Variants in PODXL observed in about 807,000 individuals in gnomAD.
PODXL encodes the protein podocalyxin like, also known as podocalyxin.
A neutral mutation model predicts 48.9 loss-of-function variants in PODXL; 20 were observed. That is an observed-to-expected ratio of 0.41 (90% CI 0.29 to 0.59). The LOEUF is 0.59. Among genes scored for constraint, PODXL ranks in the 20% least tolerant of loss-of-function variants. PODXL has a pLI of 0.31. For missense variants in PODXL, 606 were observed against 675.1 expected, an observed-to-expected ratio of 0.90 and a Z score of 1.13; for synonymous variants, 295 against 287.4, an observed-to-expected ratio of 1.03 and a Z score of -0.27.
chr7:131,509,538 G>A lies in PODXL; in HGVS notation c.850C>T (p.Pro284Ser), dbSNP rs767777872. 1 of 1,599,624 alleles carries A rather than the reference G, an allele frequency of 6.3e-7. No homozygotes were observed. The highest frequency in any genetic ancestry group is 8.5e-7 in the Non-Finnish European group (1 of 1,170,852). ...QRTQQTSSQMPASSTAPSSQE... is the reference protein window; with the variant it reads ...QRTQQTSSQMSASSTAPSSQE... ...GAGGAAGGGGCCGTAGAGCTGGCTG[G>A]CATCTGACTGGAGGTCTGTTGAGTT... Residue 284 changes from proline (P) to serine (S), a missense_variant, in exon 4 of 9, where the codon CCA becomes TCA. Transcript: ENST00000378555.
rs1797729899 is a variant in PODXL at position 131,502,814 on chromosome 7, A to G, written c.*1497T>C. The G allele has an allele frequency of 6.6e-6, 1 of 152,614 alleles. No homozygotes were observed. The highest frequency in any genetic ancestry group is 6.6e-5 in the Admixed American group (1 of 15,266). 9.5% of individuals were successfully genotyped at this position (152,614 alleles called of 1,614,324 possible). A position where few individuals can be genotyped will look rare whatever the true frequency, so the allele number is the denominator to read the frequency against. On this transcript the variant is annotated 3_prime_UTR_variant, in exon 9 of 9. Coordinates refer to ENST00000378555, the MANE Select transcript of PODXL (RefSeq NM_001018111.3). ...TGGCAGCTAACTGCCGAGCCCATAA[A>G]AGTCCTATATTGGGGAATAGACATA...
intron 1 of PODXL, among the ~76,000 whole-genome samples, chr7:131,533,321 G>A (rs767730608): frequency 1.9e-4 from 29 of 152,156 alleles, no homozygotes; most frequent in Non-Finnish European, 2.9e-4. Context: ...GGGTGGGGTC[G>A]TCAGGCCTGC....
intron 1 of PODXL, among the ~76,000 whole-genome samples, chr7:131,528,732 G>A (rs1234496876): frequency 6.6e-6 from 1 of 152,168 alleles, no homozygotes; most frequent in Non-Finnish European, 1.5e-5. Context: ...AAAAATGGAG[G>A]CAAAGGTTTA....
chr7:131,526,117 T>C (rs759174793), intron 1 of PODXL, among the ~76,000 whole-genome samples: 5 of 152,210 alleles, frequency 3.3e-5, no homozygotes, highest in Non-Finnish European at 7.3e-5. Flanking sequence ...CCAAGGCTCC[T>C]TGGAGAAAGG....
rs1381179812 is a variant in PODXL at position 131,506,693 on chromosome 7, G to A, written c.1135C>T (p.Leu379=). Residue 379 remains leucine (L), a synonymous_variant, in exon 6 of 9, where the codon CTG becomes TTG. Coordinates refer to ENST00000378555, the MANE Select transcript of PODXL (RefSeq NM_001018111.3). ...GGASDEKLIS[L]ICRAVKATFN... ...GTGGCTTTGACTGCTCGGCATATCA[G>A]TGAGATCAATTTCTCATCCGAAGCG... 1 of 1,614,200 alleles carries A rather than the reference G, an allele frequency of 6.2e-7. No individual in the cohort carries two copies. Among genetic ancestry groups the A allele is most frequent in the South Asian group, 1.1e-5 (1 of 91,084 alleles).
At chr7:131,534,430 T>C (rs980937150) in intron 1 of PODXL, among the ~76,000 whole-genome samples, 2 of 152,172 alleles carry the variant, frequency 1.3e-5, no homozygotes, top group Admixed American at 1.3e-4. Flanking sequence ...CCGCACCCCA[T>C]CCTGGCGGGG....
chr7:131,510,335 GAAAAAAAAAAAAAAA>G lies in PODXL; in HGVS notation c.707-19_707-5del, dbSNP rs56367324. The G allele has an allele frequency of 5.2e-4, 42 of 80,100 alleles. No homozygotes were observed. Among genetic ancestry groups the G allele is most frequent in the Non-Finnish European group, 8.3e-4 (39 of 46,912 alleles). The allele number at this position is 80,100 out of a possible 1,614,324, so 5.0% of individuals were successfully genotyped here. On this transcript the variant is annotated splice_region_variant and splice_polypyrimidine_tract_variant and intron_variant, in intron 2 of 8. Coordinates refer to ENST00000378555, the MANE Select transcript of PODXL (RefSeq NM_001018111.3). Reference sequence around the variant, plus strand: ...ACATGGTGAAACACTGTCTCTACTTGAAAAAAAAAAAAAAAAAAAAAAAAAAATTAGCTGGTGTGC... The same window carrying G: ...ACATGGTGAAACACTGTCTCTACTTGAAAAAAAAAAAATTAGCTGGTGTGC...
intron 1 of PODXL, among the ~76,000 whole-genome samples, chr7:131,513,132 G>A (rs752319822): frequency 2.0e-5 from 3 of 152,148 alleles, no homozygotes; most frequent in Non-Finnish European, 4.4e-5. Context: ...AAGCACAGAA[G>A]TTTTATAGGA....
intron 1 of PODXL, among the ~76,000 whole-genome samples, chr7:131,513,116 G>A (rs1797942177): frequency 1.3e-5 from 2 of 152,082 alleles, no homozygotes; most frequent in African/African-American, 2.4e-5. Flanking sequence ...GCCACTGAAG[G>A]CATTAAAGCA....
intron 1 of PODXL, among the ~76,000 whole-genome samples, chr7:131,525,426 CAAAAAAAA>C (rs57927217): frequency 0.084 from 4,981 of 59,238 alleles, 196 homozygotes; most frequent in East Asian, 0.38. Context: ...TCATCTCTAC[CAAAAAAAA>C]AAAAAAAAAA....
rs2116777189 is a variant in PODXL at position 131,505,963 on chromosome 7, G to C, written c.1384C>G (p.Leu462Val). The C allele has an allele frequency of 3.7e-6, 6 of 1,610,094 alleles. No individual in the cohort carries two copies. The highest frequency in any genetic ancestry group is 2.7e-5 in the African/African-American group (2 of 75,036). Residue 462 changes from leucine (L) to valine (V), a missense_variant, in exon 8 of 9, where the codon CTC (leucine) becomes GTC (valine). By Grantham distance (32) the Leu-to-Val change is conservative. Transcript: ENST00000378555. Reference protein sequence around the residue: ...EEAEDRFSMPLIITIVCMASF... With the variant: ...EEAEDRFSMPVIITIVCMASF... Reference sequence around the variant, plus strand: ...GCCATGCAGACGATGGTGATGATGAGGGGCATGCTGAAGCGGTCCTCGGCC... The same window carrying C: ...GCCATGCAGACGATGGTGATGATGACGGGCATGCTGAAGCGGTCCTCGGCC...
At chr7:131,553,991 T>C (rs772253216) in intron 1 of PODXL, among the ~76,000 whole-genome samples, 51 of 152,170 alleles carry the variant, frequency 3.4e-4, no homozygotes, top group Non-Finnish European at 5.9e-4. Context: ...AATCTGCCCA[T>C]ATATTGGAAG....
chr7:131,529,339 G>A (rs1798236214), intron 1 of PODXL, among the ~76,000 whole-genome samples: 1 of 152,124 alleles, frequency 6.6e-6, no homozygotes, highest in South Asian at 2.1e-4. Context: ...ACAGTGGGAG[G>A]AGAAGACAGA....
rs1475592025 is a variant in PODXL, at chr7:131,525,435, A to AG, written c.101-14003_101-14002insC. 8.5e-4 allele frequency among the ~76,000 whole-genome samples: 115 copies of AG among 136,054 alleles called. 1 individual carries two copies. The highest frequency in any genetic ancestry group is 2.8e-3 in the African/African-American group (107 of 38,678). The allele number at this position is 136,054 out of a possible 152,430, so 89.3% of individuals were successfully genotyped here. A position where few individuals can be genotyped will look rare whatever the true frequency, so the allele number is the denominator to read the frequency against. On this transcript the variant is annotated intron_variant, in intron 1 of 8. Coordinates refer to ENST00000378555, the MANE Select transcript of PODXL (RefSeq NM_001018111.3). Reference sequence around the variant, plus strand: ...AAAACCTCATCTCTACCAAAAAAAAAAAAAAAAAAAAAAAAAATACAAAAA... The same window carrying AG: ...AAAACCTCATCTCTACCAAAAAAAAAGAAAAAAAAAAAAAAAAATACAAAAA...
intron 1 of PODXL, among the ~76,000 whole-genome samples, chr7:131,552,715 G>A (rs1798687627): frequency 6.6e-6 from 1 of 152,086 alleles, no homozygotes; most frequent in African/African-American, 2.4e-5. Flanking sequence ...TGTCCAGCTC[G>A]CTCCTGCCTC....
rs1301876245 is a variant in PODXL, at chr7:131,501,598, G to GTCA, written c.*2710_*2712dup. The GTCA allele has an allele frequency of 6.6e-6, 1 of 152,162 alleles. No individual in the cohort carries two copies. Among genetic ancestry groups the GTCA allele is most frequent in the African/African-American group, 2.4e-5 (1 of 41,434 alleles). The allele number at this position is 152,162 out of a possible 1,614,324, so 9.4% of individuals were successfully genotyped here. On this transcript the variant is annotated 3_prime_UTR_variant, in exon 9 of 9. Transcript: ENST00000378555. ...CACTCTCATGACAGTAGGCTTCCTA[G>GTCA]TCATCATACTTGTGGTTTCTGGCCT...
rs1002099926 is a variant in PODXL at position 131,511,254 on chromosome 7, T to C, written c.280A>G (p.Thr94Ala). ...GGGCCTGAGACTTGCTGAGCCAGGG[T>C]TGTAGTCCCCGGTGAGTCACTGGAT... ...GVSSDSPGTT[T>A]LAQQVSGPVN... The change falls in exon 2 of 9, where the codon ACC becomes GCC. Residue 94 changes from threonine (T) to alanine (A), a missense_variant. By Grantham distance (58) the Thr-to-Ala change is moderately conservative. Coordinates refer to ENST00000378555, the MANE Select transcript of PODXL (RefSeq NM_001018111.3). 1.1e-5 allele frequency: 17 copies of C among 1,613,868 alleles called. No homozygotes were observed. The highest frequency in any genetic ancestry group is 1.6e-4 in the Middle Eastern group (1 of 6,084).
chr7:131,537,616 G>A, intron 1 of PODXL, among the ~76,000 whole-genome samples: 1 of 113,190 alleles, frequency 8.8e-6, no homozygotes, highest in East Asian at 2.5e-4. Context: ...CCCCCAAAAA[G>A]GTGCATATCA....
rs370061562 is a variant in PODXL, at chr7:131,519,833, C to T, written c.101-8400G>A. 1.1e-4 allele frequency among the ~76,000 whole-genome samples: 16 copies of T among 152,246 alleles called. 1 individual carries two copies. In the East Asian group the frequency reaches 1.5e-3, roughly 15 times the overall value. On this transcript the variant is annotated intron_variant, in intron 1 of 8. Coordinates refer to ENST00000378555, the MANE Select transcript of PODXL (RefSeq NM_001018111.3). The stretch of plus-strand genomic sequence containing the variant: ...AATCTCCTGGGGTCAAGCAATCCTC[C>T]TACTTCAGCCTCCTGGGTAGCTGGG...
Sources: allele counts gnomAD v4.1 joint callset (sites outside exome capture counted in the v4.1 genomes callset), GRCh38; gene constraint gnomAD v4.1.1; transcripts MANE v1.5; gene names NCBI Gene and HGNC (gene_info 2026-07-23, HGNC 2026-07-21).